Variants in PRKAG2 observed in about 807,000 individuals in gnomAD.
The protein encoded by PRKAG2 is 5'-AMP-activated protein kinase subunit gamma-2.
Under a neutral mutation model 69.6 loss-of-function variants are expected in PRKAG2, and 26 were observed. The ratio of observed to expected loss-of-function variants is 0.37; its 90% CI spans 0.27 to 0.52. The LOEUF is 0.52. Among genes scored for constraint, PRKAG2 ranks in the 20% least tolerant of loss-of-function variants. The pLI is 0.90. For missense variants in PRKAG2, 557 were observed against 740.0 expected (o/e 0.75, Z 2.87); for synonymous variants, 293 against 285.0 (o/e 1.03, Z -0.28).
intron 1 of PRKAG2, among the ~76,000 whole-genome samples, chr7:151,819,887 A>G (rs978762113): frequency 1.3e-5 from 2 of 152,178 alleles, no homozygotes; most frequent in East Asian, 1.9e-4. Context: ...CACCTGCCCA[A>G]TCAGGGACCC....
At position 151,719,631 on chromosome 7, in the gene PRKAG2, C is replaced by A. The variant is rs1395781007; in HGVS notation, c.467-43994G>T. On this transcript the variant is annotated intron_variant, in intron 3 of 15. Transcript: ENST00000287878. The surrounding 1 kb of genome is among the most constrained non-coding windows in gnomAD (Gnocchi z 5.2). ...CCAGTGAGTCTGGTGTGTGTTGAGTCCTGTCCTGGCACCTGCCTCTCAAGG... is the reference window on the plus strand; with the variant it reads ...CCAGTGAGTCTGGTGTGTGTTGAGTACTGTCCTGGCACCTGCCTCTCAAGG... Among the ~76,000 whole-genome samples, 1 of 152,154 alleles carries A rather than the reference C, an allele frequency of 6.6e-6. No individual in the cohort carries two copies. Among genetic ancestry groups the A allele is most frequent in the African/African-American group, 2.4e-5 (1 of 41,452 alleles).
At chr7:151,674,049 G>A (rs1832500118) in intron 4 of PRKAG2, among the ~76,000 whole-genome samples, 1 of 152,080 alleles carries the variant, frequency 6.6e-6, no homozygotes, top group African/African-American at 2.4e-5. Context: ...CACCATGCTG[G>A]CCAGGCTGGT....
Position 151,781,858 on chromosome 7 carries a change from G to C in PRKAG2, c.187-427C>G, listed in dbSNP as rs372685775. ...CTGCCTATAAGATCCCTATGTTCCA[G>C]AACAGAGCGGGCCTGGAGCTCCATC... On this transcript the variant is annotated intron_variant, in intron 2 of 15. Transcript: ENST00000287878. This position sits in a 1 kb window ranked among gnomAD's most constrained non-coding sequence, Gnocchi z 6.1. Among the ~76,000 whole-genome samples, 1 of 152,188 alleles carries C rather than the reference G, an allele frequency of 6.6e-6. No individual in the cohort carries two copies. Among genetic ancestry groups the C allele is most frequent in the African/African-American group, 2.4e-5 (1 of 41,434 alleles).
chr7:151,739,826 C>T (rs1279563287), intron 3 of PRKAG2, among the ~76,000 whole-genome samples: 6 of 152,138 alleles, frequency 3.9e-5, no homozygotes, highest in Admixed American at 6.6e-5. Context: ...CTCCTAAGCC[C>T]GTGGTTTTCA....
At chr7:151,706,761 C>T (rs1838693918) in intron 3 of PRKAG2, among the ~76,000 whole-genome samples, 1 of 152,236 alleles carries the variant, frequency 6.6e-6, no homozygotes, top group African/African-American at 2.4e-5. Flanking sequence ...AGCAAACGCT[C>T]AACACAGCCT....
At chr7:151,867,282 C>T (rs1417776936) in intron 1 of PRKAG2, among the ~76,000 whole-genome samples, 1 of 152,196 alleles carries the variant, frequency 6.6e-6, no homozygotes, top group Non-Finnish European at 1.5e-5. Context: ...AATGCGGCAC[C>T]ACATACTGGG....
At chr7:151,650,639 A>G (rs146708581) in intron 4 of PRKAG2, among the ~76,000 whole-genome samples, 2 of 152,176 alleles carry the variant, frequency 1.3e-5, no homozygotes, top group Non-Finnish European at 2.9e-5. Context: ...CTAAGGCGTC[A>G]TTTGCTTTTT....
At chr7:151,720,680 G>A in intron 3 of PRKAG2, among the ~76,000 whole-genome samples, 1 of 104,714 alleles carries the variant, frequency 9.5e-6, no homozygotes. Context: ...GGAGGGGGAT[G>A]GAGGGGATGG....
At chr7:151,710,030 C>T (rs1277745678) in intron 3 of PRKAG2, among the ~76,000 whole-genome samples, 1 of 152,144 alleles carries the variant, frequency 6.6e-6, no homozygotes, top group Non-Finnish European at 1.5e-5. Context: ...GGAGCACTCT[C>T]GAGTCTAGAA....
chr7:151,702,587 G>C (rs1463088811), intron 3 of PRKAG2, among the ~76,000 whole-genome samples: 1 of 152,234 alleles, frequency 6.6e-6, no homozygotes, highest in South Asian at 2.1e-4. Context: ...TCTGTACACA[G>C]ACAAATGCAA....
At chr7:151,570,040 T>A (rs1027965350) in intron 10 of PRKAG2, 131 bp downstream of exon 10, 8 of 1,055,300 alleles carry the variant, frequency 7.6e-6, no homozygotes, top group Non-Finnish European at 1.1e-5. Flanking sequence ...ATGCGTACAG[T>A]GTAGCTGGAA....
rs1383431808 is a variant in PRKAG2 at position 151,808,237 on chromosome 7, T to C, written c.115-21696A>G. On this transcript the variant is annotated intron_variant, in intron 1 of 15. Coordinates refer to ENST00000287878, the MANE Select transcript of PRKAG2 (RefSeq NM_016203.4). ...CAGGACTCTAGTTTGTCGACAGTAT[T>C]CCAGACAAGGTGTAGCTGGCTGAAC... 2.0e-5 allele frequency among the ~76,000 whole-genome samples: 3 copies of C among 152,230 alleles called. No individual in the cohort carries two copies. The East Asian group carries it at 5.8e-4, about 29-fold the overall frequency.
intron 8 of PRKAG2, among the ~76,000 whole-genome samples, chr7:151,574,552 C>A (rs781596135): frequency 6.6e-6 from 1 of 152,212 alleles, no homozygotes; most frequent in East Asian, 1.9e-4. Context: ...ACCACCTCAA[C>A]AGGCCCGCAG....
intron 3 of PRKAG2, among the ~76,000 whole-genome samples, chr7:151,775,554 A>C (rs1473977827): frequency 6.6e-6 from 1 of 152,240 alleles, no homozygotes; most frequent in Non-Finnish European, 1.5e-5. Context: ...AAGAGGGACG[A>C]AAACTGGATT....
rs565487833 is a variant in PRKAG2 at position 151,738,912 on chromosome 7, T to G, written c.466+42240A>C. 2.6e-5 allele frequency among the ~76,000 whole-genome samples: 4 copies of G among 152,318 alleles called. No homozygotes were observed. The East Asian group carries it at 7.7e-4, about 29-fold the overall frequency. ...CTGCAGATGCCTGATGAGATAAAGA[T>G]GGCTCCAGGCTAGGGCAACAGGAAG... On this transcript the variant is annotated intron_variant, in intron 3 of 15. Transcript: ENST00000287878.
intron 4 of PRKAG2, among the ~76,000 whole-genome samples, chr7:151,650,509 T>C (rs555658697): frequency 1.3e-5 from 2 of 152,258 alleles, no homozygotes; most frequent in South Asian, 4.2e-4. Flanking sequence ...ACAGTAATGC[T>C]TGACAACAGT....
intron 4 of PRKAG2, among the ~76,000 whole-genome samples, chr7:151,652,062 G>A (rs1429344912): frequency 6.6e-6 from 1 of 152,206 alleles, no homozygotes; most frequent in African/African-American, 2.4e-5. Flanking sequence ...TGATAGGTAT[G>A]TGAGGTGACA....
intron 7 of PRKAG2, among the ~76,000 whole-genome samples, chr7:151,575,309 C>T (rs903313909): frequency 1.3e-5 from 2 of 152,164 alleles, no homozygotes; most frequent in Non-Finnish European, 2.9e-5. Context: ...AGAAACGTGA[C>T]AATTCTGGGC....
At chr7:151,562,987 CAG>C (rs1805427718) in intron 14 of PRKAG2, among the ~76,000 whole-genome samples, 2 of 151,242 alleles carry the variant, frequency 1.3e-5, no homozygotes, top group Admixed American at 1.3e-4. Context: ...GGATATTAAA[CAG>C]ATATCTTTTG....
Sources: gnomAD v4.1 joint callset for allele counts (sites outside exome capture counted in the v4.1 genomes callset) on GRCh38, gnomAD v4.1.1 for gene constraint, Gnocchi (gnomAD v3.1) non-coding constraint, MANE v1.5 for transcripts, NCBI Gene and HGNC (gene_info 2026-07-23, HGNC 2026-07-21) for gene names.